The following PPP1R1C variants were observed in gnomAD, a reference collection of about 807,000 sequenced individuals.
PPP1R1C encodes the protein protein phosphatase 1 regulatory subunit 1C.
PPP1R1C carries 15 observed loss-of-function variants against 17.4 expected under a neutral mutation model. That is an observed-to-expected ratio of 0.86 (90% confidence interval 0.58 to 1.33). The LOEUF (loss-of-function observed/expected upper bound fraction) is 1.33, where lower values mean the gene tolerates loss of function less well. Ranked by LOEUF, PPP1R1C falls within the 40% of genes most tolerant of loss-of-function variation. The pLI is 0.00. For synonymous variants in PPP1R1C, 35 were observed against 43.1 expected (o/e 0.81, Z 0.73); for missense variants, 143 against 130.0 (o/e 1.10, Z -0.48).
chr2:181,984,243 G>C (rs1044939939), upstream of PPP1R1C, among the ~76,000 whole-genome samples: 7 of 152,166 alleles, frequency 4.6e-5, no homozygotes, highest in African/African-American at 1.7e-4. Context: ...CAAGAAGAAA[G>C]TTCTCCTACT....
At chr2:182,056,184 G>A (rs1480617240) in intron 2 of PPP1R1C, among the ~76,000 whole-genome samples, 1 of 152,196 alleles carries the variant, frequency 6.6e-6, no homozygotes, top group Non-Finnish European at 1.5e-5. Context: ...ACAGATGAGA[G>A]AGCCCTGCTT....
intron 2 of PPP1R1C, among the ~76,000 whole-genome samples, chr2:182,000,387 TG>T (rs1051652831): frequency 1.3e-5 from 2 of 152,110 alleles, no homozygotes; most frequent in African/African-American, 4.8e-5. Context: ...TCAATCTACA[TG>T]GCTCTTCATA....
At chr2:182,129,651 T>G (rs1689959881) in exon 6 of PPP1R1C, 1 of 152,118 alleles carries the variant, frequency 6.6e-6, no homozygotes, top group South Asian at 2.1e-4. Flanking sequence ...ATGTTATAGA[T>G]AAGAAAACTA....
At chr2:181,988,030 A>G (rs1685354879) in intron 2 of PPP1R1C, 131 bp downstream of exon 2, 1 of 669,674 alleles carries the variant, frequency 1.5e-6, no homozygotes, top group Non-Finnish European at 2.5e-6. Flanking sequence ...AAGCTAATCT[A>G]TAAAATGGAT....
intron 2 of PPP1R1C, among the ~76,000 whole-genome samples, chr2:181,977,022 C>T (rs898820088): frequency 8.6e-5 from 13 of 151,464 alleles, no homozygotes; most frequent in African/African-American, 3.2e-4. Flanking sequence ...CCTGTAATCC[C>T]AGCTACCTGG....
chr2:181,976,610 A>G lies in PPP1R1C; in HGVS notation n.157+1346A>G, dbSNP rs1382896528. On this transcript the variant is annotated intron_variant and non_coding_transcript_variant, in intron 2 of 5. Coordinates refer to the PPP1R1C transcript ENST00000464264. This position sits in a 1 kb window ranked among gnomAD's most constrained non-coding sequence, Gnocchi z 4.8. ...ATTTTATCTATATATCTGTATATCT[A>G]TATCTATATCTATATCTGTATCTAT... Among the ~76,000 whole-genome samples, 4 of 152,084 alleles carry G rather than the reference A, an allele frequency of 2.6e-5. No homozygotes were observed. The East Asian group carries it at 7.7e-4, about 29-fold the overall frequency.
intron 2 of PPP1R1C, among the ~76,000 whole-genome samples, chr2:181,996,957 C>T (rs993332943): frequency 1.3e-5 from 2 of 152,154 alleles, no homozygotes; most frequent in Admixed American, 6.5e-5. Flanking sequence ...CAGCCGGGCG[C>T]GGTGGCTCAC....
At chr2:182,114,832 C>T (rs1412693029) in intron 4 of PPP1R1C, among the ~76,000 whole-genome samples, 2 of 152,062 alleles carry the variant, frequency 1.3e-5, no homozygotes, top group Admixed American at 6.6e-5. Flanking sequence ...TTGGCTTTTT[C>T]GTATAACTTT....
intron 4 of PPP1R1C, among the ~76,000 whole-genome samples, chr2:182,081,987 T>C (rs1472765045): frequency 6.6e-6 from 1 of 152,108 alleles, no homozygotes; most frequent in Non-Finnish European, 1.5e-5. Context: ...CTATGCCTAT[T>C]TTTTTTAAAA....
chr2:182,075,592 T>C (rs1688275213), intron 4 of PPP1R1C, among the ~76,000 whole-genome samples: 1 of 152,168 alleles, frequency 6.6e-6, no homozygotes, highest in Admixed American at 6.6e-5. Flanking sequence ...TTACACACCA[T>C]CACTGCGTAG....
chr2:181,997,087 G>A (rs1205388517), intron 2 of PPP1R1C, among the ~76,000 whole-genome samples: 1 of 152,118 alleles, frequency 6.6e-6, no homozygotes, highest in African/African-American at 2.4e-5. Flanking sequence ...ACATTAGCTG[G>A]GCGCGGTGGC....
chr2:182,093,030 T>C (rs1688829757), intron 4 of PPP1R1C, among the ~76,000 whole-genome samples: 1 of 152,184 alleles, frequency 6.6e-6, no homozygotes, highest in African/African-American at 2.4e-5. Context: ...ACCCCACATT[T>C]CCCCTCTGCA....
chr2:182,101,910 T>G (rs538125212), intron 4 of PPP1R1C, among the ~76,000 whole-genome samples: 1 of 152,274 alleles, frequency 6.6e-6, no homozygotes, highest in South Asian at 2.1e-4. Flanking sequence ...CTGCACTCCT[T>G]CAATGTCTGC....
rs553291225 is a variant in PPP1R1C at position 182,014,729 on chromosome 2, A to C, written c.142+26830A>C. On this transcript the variant is annotated intron_variant, in intron 2 of 4. Transcript: ENST00000682840. ...AGTAACCTACTTGGTGCTCCTTTCTACTGTGGCTGAGCTAGCACCCTAGCT... is the reference window on the plus strand; with the variant it reads ...AGTAACCTACTTGGTGCTCCTTTCTCCTGTGGCTGAGCTAGCACCCTAGCT... Among the ~76,000 whole-genome samples, 7 of 151,966 alleles carry C rather than the reference A, an allele frequency of 4.6e-5. No homozygotes were observed. In the South Asian group the frequency reaches 1.2e-3, roughly 27 times the overall value.
chr2:182,053,569 A>G (rs2204832), intron 2 of PPP1R1C, among the ~76,000 whole-genome samples: 6,493 of 152,044 alleles, frequency 0.043, 417 homozygotes, highest in Admixed American at 0.18. Context: ...CATTACCCTT[A>G]AGATTTCTCT....
intron 4 of PPP1R1C, among the ~76,000 whole-genome samples, chr2:182,104,782 GT>G (rs1380756797): frequency 8.5e-5 from 13 of 152,268 alleles, no homozygotes; most frequent in Admixed American, 7.2e-4. Flanking sequence ...CTTAAAATGA[GT>G]TTAGAAGTGT....
intron 4 of PPP1R1C, among the ~76,000 whole-genome samples, chr2:182,092,791 T>G (rs1688820106): frequency 6.6e-6 from 1 of 152,198 alleles, no homozygotes; most frequent in Non-Finnish European, 1.5e-5. Flanking sequence ...GTCACACTGA[T>G]GCAAGAGGTA....
intron 1 of PPP1R1C, among the ~76,000 whole-genome samples, chr2:181,966,472 T>C (rs1219020382): frequency 6.6e-6 from 1 of 152,184 alleles, no homozygotes; most frequent in African/African-American, 2.4e-5. Context: ...CATTGAGGTA[T>C]GTGTCTTCTA....
At chr2:182,054,087 G>A (rs900906343) in intron 2 of PPP1R1C, among the ~76,000 whole-genome samples, 10 of 151,704 alleles carry the variant, frequency 6.6e-5, no homozygotes, top group African/African-American at 1.7e-4. Context: ...ATTGGATTTG[G>A]GTAAATTTCT....
Sources: gnomAD v4.1 joint callset for allele counts (sites outside exome capture counted in the v4.1 genomes callset) on GRCh38, gnomAD v4.1.1 for gene constraint, Gnocchi (gnomAD v3.1) non-coding constraint, MANE v1.5 for transcripts, NCBI Gene and HGNC (gene_info 2026-07-23, HGNC 2026-07-21) for gene names.